ERCC3: variants seen among roughly 807,000 people sequenced by gnomAD.
The protein encoded by ERCC3 is ERCC excision repair 3, TFIIH core complex helicase subunit.
ERCC3 carries 66 observed loss-of-function variants against 94.2 expected under a neutral mutation model. The ratio of observed to expected loss-of-function variants is 0.70; its 90% confidence interval spans 0.57 to 0.86. ERCC3 has a LOEUF of 0.86. ERCC3 is among the 40% of genes least tolerant of loss of function. ERCC3 has a pLI of 0.00. For synonymous variants in ERCC3, 349 were observed against 369.1 expected (o/e 0.95, Z 0.63); for missense variants, 829 against 987.1 (o/e 0.84, Z 2.15).
At position 127,281,035 on chromosome 2, in the gene ERCC3, TA is replaced by T. The variant is rs1222275660; in HGVS notation, c.1343-405del. ...AAATGAGCTTAAGGAATCTCCAAGT[TA>T]ATGAATCCCAGCATTCCCCTCACAA... On this transcript the variant is annotated intron_variant, in intron 8 of 14. Transcript: ENST00000285398. 22 of 433,110 alleles carry T rather than the reference TA, an allele frequency of 5.1e-5. No individual in the cohort carries two copies. In the Admixed American group the frequency reaches 8.4e-4, roughly 17 times the overall value. The allele number at this position is 433,110 out of a possible 1,614,324, so 26.8% of individuals were successfully genotyped here.
chr2:127,280,328 A>G lies in ERCC3; in HGVS notation c.1527+119T>C, dbSNP rs6717862. 546 of 886,590 alleles carry G rather than the reference A, an allele frequency of 6.2e-4. 2 individuals carry two copies. The African/African-American group carries it at 7.6e-3, about 12-fold the overall frequency. 54.9% of individuals were successfully genotyped at this position (886,590 alleles called of 1,614,324 possible). On this transcript the variant is annotated intron_variant, in intron 9 of 14. Coordinates refer to ENST00000285398, the MANE Select transcript of ERCC3 (RefSeq NM_000122.2). This position sits in a 1 kb window ranked among gnomAD's most constrained non-coding sequence, Gnocchi z 6.3. ...CAGGGTGACTGAGGATCCTGTATGA[A>G]GTGGTAGCAGGTGAGCCTAAGTCCT...
chr2:127,285,196 T>C (rs1370242811), intron 8 of ERCC3, among the ~76,000 whole-genome samples: 6 of 152,178 alleles, frequency 3.9e-5, no homozygotes, highest in Non-Finnish European at 7.3e-5. Flanking sequence ...GTGACAGCAG[T>C]TCAGTAGTCA....
intron 11 of ERCC3, 128 bp downstream of exon 11, chr2:127,272,737 G>C: frequency 1.4e-6 from 1 of 708,918 alleles, no homozygotes; most frequent in Non-Finnish European, 2.6e-6. Flanking sequence ...CCCTGGACAT[G>C]TCGGAAATGA....
intron 8 of ERCC3, chr2:127,281,102 C>T (rs1050943968): frequency 2.5e-6 from 1 of 407,756 alleles, no homozygotes; most frequent in African/African-American, 2.1e-5. Flanking sequence ...TGAAATACAA[C>T]CTGCAATACT....
intron 3 of ERCC3, 123 bp downstream of exon 3, chr2:127,292,487 G>T (rs1223836669): frequency 7.6e-6 from 6 of 791,436 alleles, no homozygotes; most frequent in Non-Finnish European, 1.4e-5. Flanking sequence ...CAGTCGTTAT[G>T]CTCCCCACAG....
intron 12 of ERCC3, chr2:127,262,919 C>T (rs973181476): frequency 6.6e-6 from 1 of 152,194 alleles, no homozygotes; most frequent in Non-Finnish European, 1.5e-5. Flanking sequence ...ATAGGGAGTA[C>T]TTTCCCCACT....
rs1684998854 is a variant in ERCC3, at chr2:127,284,155, G to A, written c.1342+2548C>T. ...CGGATCACGCCTTCATCCTTACTGGGATTCCACAAACTCACCTCACCGCTT... is the reference window on the plus strand; with the variant it reads ...CGGATCACGCCTTCATCCTTACTGGAATTCCACAAACTCACCTCACCGCTT... On this transcript the variant is annotated intron_variant, in intron 8 of 14. Transcript: ENST00000285398. This position sits in a 1 kb window ranked among gnomAD's most constrained non-coding sequence, Gnocchi z 4.1. The A allele has an allele frequency of 2.6e-5, 4 of 152,248 alleles. No homozygotes were observed. The highest frequency in any genetic ancestry group is 5.9e-5 in the Non-Finnish European group (4 of 68,088). 9.4% of individuals were successfully genotyped at this position (152,248 alleles called of 1,614,324 possible).
In ERCC3 at chr2:127,292,476, T is replaced by C; in HGVS notation, c.471+134A>G. The C allele has an allele frequency of 7.8e-6, 6 of 773,706 alleles. No homozygotes were observed. In the South Asian group the frequency reaches 8.1e-5, roughly 10 times the overall value. The allele number at this position is 773,706 out of a possible 1,614,324, so 47.9% of individuals were successfully genotyped here. A position where few individuals can be genotyped will look rare whatever the true frequency, so the allele number is the denominator to read the frequency against. On this transcript the variant is annotated intron_variant, in intron 3 of 14. Transcript: ENST00000285398. ...ATCCAGAGTGTAGCGGCTGGGGTAA[T>C]CAGTCGTTATGCTCCCCACAGGAAA...
rs779977653 is a variant in ERCC3 at position 127,272,967 on chromosome 2, G to A, written c.1731-6C>T. On this transcript the variant is annotated splice_region_variant and splice_polypyrimidine_tract_variant and intron_variant, in intron 10 of 14. Coordinates refer to ENST00000285398, the MANE Select transcript of ERCC3 (RefSeq NM_000122.2). ...TAGGTCCGTAGATATAGGGTCTAGA[G>A]AAGAATGAAGCTGTGTTAGACCACA... 2 of 1,560,200 alleles carry A rather than the reference G, an allele frequency of 1.3e-6. No homozygotes were observed. Among genetic ancestry groups the A allele is most frequent in the East Asian group, 4.5e-5 (2 of 44,600 alleles).
In ERCC3 at chr2:127,293,663, G is replaced by GTCCTCTTCATCA. The variant is rs752887149; in HGVS notation, c.72_83dup (p.Asp25_Asp28dup). ...CTTCCTGAGGGTCGTTCCCCGGGGC[G>GTCCTCTTCATCA]TCCTCTTCATCATCCTCTTCATCCT... is the stretch of plus-strand genomic sequence containing the variant. On this transcript the variant is annotated inframe_insertion, in exon 2 of 15. Coordinates refer to ENST00000285398, the MANE Select transcript of ERCC3 (RefSeq NM_000122.2). 6.2e-7 allele frequency: 1 copy of GTCCTCTTCATCA among 1,614,046 alleles called. No individual in the cohort carries two copies. Among genetic ancestry groups the GTCCTCTTCATCA allele is most frequent in the Non-Finnish European group, 8.5e-7 (1 of 1,180,024 alleles).
In ERCC3 at chr2:127,266,082, G is replaced by GTTT. The variant is rs879746129; in HGVS notation, c.1946-4739_1946-4737dup. On this transcript the variant is annotated intron_variant, in intron 12 of 14. Coordinates refer to ENST00000285398, the MANE Select transcript of ERCC3 (RefSeq NM_000122.2). ...GTTTAGTTTCTATGTAATTGTGTGG[G>GTTT]TTTTTTTTTTTCTTTTTTCTTTTAT... Among the ~76,000 whole-genome samples the GTTT allele has an allele frequency of 2.0e-4, 29 of 146,304 alleles. No individual in the cohort carries two copies. The Middle Eastern group carries it at 0.018, about 89-fold the overall frequency.
chr2:127,287,897 C>T (rs1306815100), intron 7 of ERCC3, among the ~76,000 whole-genome samples: 1 of 152,076 alleles, frequency 6.6e-6, no homozygotes, highest in East Asian at 1.9e-4. Flanking sequence ...TCAAGCTTTT[C>T]CATTAAACAG....
At position 127,271,325 on chromosome 2, in the gene ERCC3, G is replaced by C. The variant is rs748753777; in HGVS notation, c.1945+11C>G. The C allele has an allele frequency of 6.9e-6, 11 of 1,585,188 alleles. No individual in the cohort carries two copies. In the South Asian group the frequency reaches 1.1e-4, roughly 16 times the overall value. On this transcript the variant is annotated intron_variant, in intron 12 of 14. Coordinates refer to ENST00000285398, the MANE Select transcript of ERCC3 (RefSeq NM_000122.2). The surrounding 1 kb of genome is among the most constrained non-coding windows in gnomAD (Gnocchi z 5.0). ...TGACCTCCTGCAACAGAAGATGAAA[G>C]GCCACTTTACCTTTTTTAGCTCGAA...
chr2:127,261,149 T>C (rs1684177407), intron 13 of ERCC3, 79 bp downstream of exon 13: 1 of 830,160 alleles, frequency 1.2e-6, no homozygotes, highest in Non-Finnish European at 2.2e-6. Context: ...CTGCTGACAG[T>C]GGCCCTCGCT....
At position 127,288,785 on chromosome 2, in the gene ERCC3, G is replaced by A; in HGVS notation, c.902C>T (p.Ser301Phe). 6.2e-7 allele frequency: 1 copy of A among 1,614,042 alleles called. No homozygotes were observed. Among genetic ancestry groups the A allele is most frequent in the Non-Finnish European group, 8.5e-7 (1 of 1,179,916 alleles). ...GTCAATGTTGATATCAGGGTTGACA[G>A]AATCATTCCGGAAGTCATATTCTGC... ...LLAEYDFRND[S>F]VNPDINIDLK... Residue 301 changes from serine (S) to phenylalanine (F), a missense_variant, in exon 7 of 15, where the codon TCT (serine) becomes TTT (phenylalanine). By Grantham distance (155) the Ser-to-Phe change is radical (BLOSUM62 -2). Transcript: ENST00000285398.
Position 127,290,281 on chromosome 2 carries a change from T to C in ERCC3, c.472-8A>G. 6.2e-7 allele frequency: 1 copy of C among 1,611,300 alleles called. No homozygotes were observed. The highest frequency in any genetic ancestry group is 1.1e-5 in the South Asian group (1 of 91,014). ...ATAGCTGACAGTACACAACTGCAAATACAGATAACATCCAACAGGTAAATG... is the reference window on the plus strand; with the variant it reads ...ATAGCTGACAGTACACAACTGCAAACACAGATAACATCCAACAGGTAAATG... On this transcript the variant is annotated splice_polypyrimidine_tract_variant and splice_region_variant and intron_variant, in intron 3 of 14. Coordinates refer to ENST00000285398, the MANE Select transcript of ERCC3 (RefSeq NM_000122.2).
At chr2:127,293,486 C>T in intron 2 of ERCC3, 27 bp downstream of exon 2, 1 of 1,606,138 alleles carries the variant, frequency 6.2e-7, no homozygotes, top group South Asian at 1.1e-5. Flanking sequence ...CACTCCTGGG[C>T]CCTGCCCAAG....
chr2:127,276,984 T>G (rs967442185), intron 10 of ERCC3, among the ~76,000 whole-genome samples: 4 of 152,182 alleles, frequency 2.6e-5, no homozygotes, highest in Non-Finnish European at 5.9e-5. Flanking sequence ...TAAAGACATC[T>G]GTAAACATGT....
At chr2:127,268,067 C>T (rs935497070) in intron 12 of ERCC3, among the ~76,000 whole-genome samples, 1 of 152,062 alleles carries the variant, frequency 6.6e-6, no homozygotes, top group African/African-American at 2.4e-5. Flanking sequence ...AATACTCCTG[C>T]CTCAGCCTCC....
Sources: gnomAD v4.1 joint callset for allele counts (sites outside exome capture counted in the v4.1 genomes callset) on GRCh38, gnomAD v4.1.1 for gene constraint, Gnocchi (gnomAD v3.1) non-coding constraint, MANE v1.5 for transcripts, NCBI Gene and HGNC (gene_info 2026-07-23, HGNC 2026-07-21) for gene names.